CDH4: variants seen among roughly 807,000 people sequenced by gnomAD.
The protein encoded by CDH4 is cadherin 4.
CDH4 carries 33 observed loss-of-function variants against 86.0 expected under a neutral mutation model. That is an observed-to-expected ratio of 0.38 (90% CI 0.29 to 0.51). CDH4 has a LOEUF of 0.51. Among genes scored for constraint, CDH4 ranks in the 20% least tolerant of loss-of-function variants. The pLI, the probability that CDH4 is intolerant of heterozygous loss-of-function variation, is 0.86. For synonymous variants in CDH4, 555 were observed against 549.4 expected (o/e 1.01, Z -0.14); for missense variants, 1,114 against 1,307.4 (o/e 0.85, Z 2.28).
At chr20:61,372,148 G>A (rs561049091) in intron 2 of CDH4, among the ~76,000 whole-genome samples, 2 of 152,304 alleles carry the variant, frequency 1.3e-5, no homozygotes, top group African/African-American at 4.8e-5. Flanking sequence ...CCTAAGTGAA[G>A]CGTGTGACCT....
intron 2 of CDH4, among the ~76,000 whole-genome samples, chr20:61,679,168 T>C (rs1184569719): frequency 2.0e-5 from 3 of 152,128 alleles, no homozygotes; most frequent in African/African-American, 7.2e-5. Flanking sequence ...CATGGCCTGG[T>C]GTTTGCAGTT....
rs1314708392 is a variant in CDH4, at chr20:61,565,144, T to TG, written c.170-178418dup. On this transcript the variant is annotated intron_variant, in intron 2 of 15. Coordinates refer to ENST00000614565, the MANE Select transcript of CDH4 (RefSeq NM_001794.5). ...CTCTTGGTGGTGCTGGTCCTCTTGGTGTTGGTAGTGGTCCTCTTGGTGATG... is the reference window on the plus strand; with the variant it reads ...CTCTTGGTGGTGCTGGTCCTCTTGGTGGTTGGTAGTGGTCCTCTTGGTGATG... Among the ~76,000 whole-genome samples, 26 of 133,394 alleles carry TG rather than the reference T, an allele frequency of 1.9e-4. 1 individual carries two copies. Among genetic ancestry groups the TG allele is most frequent in the East Asian group, 6.4e-4 (3 of 4,678 alleles). 87.5% of individuals were successfully genotyped at this position (133,394 alleles called of 152,430 possible). A position where few individuals can be genotyped will look rare whatever the true frequency, so the allele number is the denominator to read the frequency against.
At chr20:61,364,434 G>GA (rs2084800281) in intron 2 of CDH4, among the ~76,000 whole-genome samples, 1 of 152,182 alleles carries the variant, frequency 6.6e-6, no homozygotes, top group Admixed American at 6.5e-5. Context: ...GCTCCCCATG[G>GA]CCTTGGACTT....
In CDH4 at chr20:61,288,744, A is replaced by G. The variant is rs557815429; in HGVS notation, c.169+33807A>G. ...ACATGAAGGTGCCAGCGATTCGAGCACGCCTGCCCGGCGCTGACGTTGCCG... is the reference window on the plus strand; with the variant it reads ...ACATGAAGGTGCCAGCGATTCGAGCGCGCCTGCCCGGCGCTGACGTTGCCG... On this transcript the variant is annotated intron_variant, in intron 2 of 15. Coordinates refer to ENST00000614565, the MANE Select transcript of CDH4 (RefSeq NM_001794.5). Among the ~76,000 whole-genome samples, 55 of 152,360 alleles carry G rather than the reference A, an allele frequency of 3.6e-4. 1 individual carries two copies. The highest frequency in any genetic ancestry group is 3.4e-3 in the Middle Eastern group (1 of 294).
chr20:61,468,511 T>G (rs897402447), intron 2 of CDH4, among the ~76,000 whole-genome samples: 2 of 152,224 alleles, frequency 1.3e-5, no homozygotes, highest in African/African-American at 4.8e-5. Flanking sequence ...AAATAAGGTA[T>G]CCATCACCTC....
intron 2 of CDH4, among the ~76,000 whole-genome samples, chr20:61,429,972 C>T (rs2085237021): frequency 6.6e-6 from 1 of 152,224 alleles, no homozygotes; most frequent in Admixed American, 6.5e-5. Context: ...CCGAGCATGG[C>T]TTGGAGCCAT....
chr20:61,515,928 C>A (rs940037257), intron 2 of CDH4, among the ~76,000 whole-genome samples: 9 of 152,146 alleles, frequency 5.9e-5, no homozygotes, highest in South Asian at 4.1e-4. Context: ...CTATCCCCCC[C>A]ATCCCGCAGT....
intron 2 of CDH4, among the ~76,000 whole-genome samples, chr20:61,482,908 C>G (rs2085575952): frequency 6.6e-6 from 1 of 152,202 alleles, no homozygotes; most frequent in Non-Finnish European, 1.5e-5. Flanking sequence ...TCAGCATCCC[C>G]ATTTTACAGA....
intron 2 of CDH4, among the ~76,000 whole-genome samples, chr20:61,375,334 G>A (rs2084861040): frequency 6.6e-6 from 1 of 152,016 alleles, no homozygotes; most frequent in Non-Finnish European, 1.5e-5. Context: ...GTGACAGTGG[G>A]GAGGTGGTGA....
Position 61,740,294 on chromosome 20 carries a change from A to G in CDH4, c.170-3269A>G, listed in dbSNP as rs369835515. On this transcript the variant is annotated intron_variant, in intron 2 of 15. Coordinates refer to ENST00000614565, the MANE Select transcript of CDH4 (RefSeq NM_001794.5). ...GAGTCCCCATCCCAAGACCTCAGAC[A>G]TGTCTCCCTTGAGGCTGCCCTGCAC... Among the ~76,000 whole-genome samples the G allele has an allele frequency of 3.9e-5, 6 of 152,300 alleles. No individual in the cohort carries two copies. In the South Asian group the frequency reaches 1.2e-3, roughly 32 times the overall value.
Position 61,938,572 on chromosome 20 carries a change from G to A in CDH4, c.*1629G>A. 1 of 152,342 alleles carries A rather than the reference G, an allele frequency of 6.6e-6. No homozygotes were observed. Among genetic ancestry groups the A allele is most frequent in the East Asian group, 1.9e-4 (1 of 5,188 alleles). 9.4% of individuals were successfully genotyped at this position (152,342 alleles called of 1,614,324 possible). A position where few individuals can be genotyped will look rare whatever the true frequency, so the allele number is the denominator to read the frequency against. On this transcript the variant is annotated 3_prime_UTR_variant, in exon 16 of 16. Transcript: ENST00000614565. ...GTCGGGCAGGGCGGTGCCAGCACTG[G>A]GGAAGGACAGGGAGCCCTCCCGGAG...
rs181867119 is a variant in CDH4 at position 61,683,466 on chromosome 20, G to A, written c.170-60097G>A. ...TCTGGTGTCCCCCGAACCGCGAGTCGTGGAGGCCCGTGGGCAGGTGCCCCG... is the reference window on the plus strand; with the variant it reads ...TCTGGTGTCCCCCGAACCGCGAGTCATGGAGGCCCGTGGGCAGGTGCCCCG... On this transcript the variant is annotated intron_variant, in intron 2 of 15. Coordinates refer to ENST00000614565, the MANE Select transcript of CDH4 (RefSeq NM_001794.5). Among the ~76,000 whole-genome samples the A allele has an allele frequency of 1.1e-4, 17 of 152,280 alleles. No homozygotes were observed. The East Asian group carries it at 1.4e-3, about 12-fold the overall frequency.
At chr20:61,827,530 A>G (rs1042127571) in intron 4 of CDH4, among the ~76,000 whole-genome samples, 3 of 152,234 alleles carry the variant, frequency 2.0e-5, no homozygotes, top group Non-Finnish European at 4.4e-5. Context: ...GTAGTCCTCA[A>G]TTTGGTTTTA....
At chr20:61,474,282 T>A (rs1271366248) in intron 2 of CDH4, among the ~76,000 whole-genome samples, 1 of 142,958 alleles carries the variant, frequency 7.0e-6, no homozygotes, top group Admixed American at 7.4e-5. Context: ...TGCCTCAGCC[T>A]CCCGAGTAGC....
chr20:61,370,532 G>C (rs539882825), intron 2 of CDH4: 1 of 152,196 alleles, frequency 6.6e-6, no homozygotes. Context: ...TATAGACAGG[G>C]AGTATCAGTT....
At chr20:61,587,599 C>G (rs1386386305) in intron 2 of CDH4, among the ~76,000 whole-genome samples, 2 of 152,028 alleles carry the variant, frequency 1.3e-5, no homozygotes, top group East Asian at 1.9e-4. Flanking sequence ...CATTTTGACT[C>G]CGCTCCTTCC....
rs1353654709 is a variant in CDH4, at chr20:61,501,257, A to G, written c.170-242306A>G. 6.6e-6 allele frequency among the ~76,000 whole-genome samples: 1 copy of G among 152,214 alleles called. No homozygotes were observed. The highest frequency in any genetic ancestry group is 1.5e-5 in the Non-Finnish European group (1 of 68,034). Reference sequence around the variant, plus strand: ...TTAGAGCTTCATAGTTTAAATGGCAATCATTCCTTGAAGCCTGCAGCCTGC... The same window carrying G: ...TTAGAGCTTCATAGTTTAAATGGCAGTCATTCCTTGAAGCCTGCAGCCTGC... On this transcript the variant is annotated intron_variant, in intron 2 of 15. Coordinates refer to ENST00000614565, the MANE Select transcript of CDH4 (RefSeq NM_001794.5). The surrounding 1 kb of genome is among the most constrained non-coding windows in gnomAD (Gnocchi z 4.2).
intron 7 of CDH4, among the ~76,000 whole-genome samples, chr20:61,875,180 T>G (rs190386426): frequency 1.3e-5 from 2 of 152,336 alleles, no homozygotes; most frequent in Admixed American, 1.3e-4. Context: ...AGTGCTGTCT[T>G]CATCCCCGCC....
At chr20:61,844,633 G>C in intron 4 of CDH4, 35 bp from the exon 5 acceptor site, 1 of 1,591,088 alleles carries the variant, frequency 6.3e-7, no homozygotes, top group Non-Finnish European at 8.6e-7. Context: ...CCTCACCACA[G>C]GATAACCTCT....
Sources: gnomAD v4.1 joint callset for allele counts (sites outside exome capture counted in the v4.1 genomes callset) on GRCh38, gnomAD v4.1.1 for gene constraint, Gnocchi (gnomAD v3.1) non-coding constraint, MANE v1.5 for transcripts, NCBI Gene and HGNC (gene_info 2026-07-23, HGNC 2026-07-21) for gene names.